USP3: variants seen among roughly 807,000 people sequenced by gnomAD.
USP3 encodes ubiquitin carboxyl-terminal hydrolase 3.
USP3 carries 20 observed loss-of-function variants against 72.3 expected under a neutral mutation model. The observed-to-expected ratio is 0.28, with a 90% confidence interval of 0.19 to 0.40. The LOEUF is 0.40. Among genes scored for constraint, USP3 ranks in the 10% least tolerant of loss-of-function variants. The pLI is 1.00. For missense variants in USP3, 479 were observed against 633.9 expected (o/e 0.76, Z 2.62); for synonymous variants, 222 against 225.3 (o/e 0.99, Z 0.13).
At chr15:63,558,538 T>G (rs2066549618) in intron 6 of USP3, among the ~76,000 whole-genome samples, 1 of 151,848 alleles carries the variant, frequency 6.6e-6, no homozygotes, top group Non-Finnish European at 1.5e-5. Flanking sequence ...CAGGCTACAG[T>G]CTCTCTCAGA....
In USP3 at chr15:63,574,132, G is replaced by A; in HGVS notation, c.995G>A (p.Arg332Lys). 1 of 1,592,238 alleles carries A rather than the reference G, an allele frequency of 6.3e-7. No homozygotes were observed. Among genetic ancestry groups the A allele is most frequent in the South Asian group, 1.2e-5 (1 of 85,298 alleles). Reference protein sequence around the residue: ...VNCLICGTESRKFDPFLDLSL... With the variant: ...VNCLICGTESKKFDPFLDLSL... ...TGCCTCATATGTGGGACAGAATCTA[G>A]AAAGTTTGATCCATTCCTAGGTAAG... Residue 332 changes from arginine to lysine, a missense_variant, in exon 10 of 15, where the codon AGA (arginine) becomes AAA (lysine). Transcript: ENST00000380324. This position sits in a 1 kb window ranked among gnomAD's most constrained non-coding sequence, Gnocchi z 4.6.
intron 14 of USP3, 64 bp downstream of exon 14, chr15:63,589,075 T>G (rs1041250208): frequency 1.2e-5 from 18 of 1,558,748 alleles, no homozygotes; most frequent in Non-Finnish European, 1.5e-5. Flanking sequence ...TGACCTGCAG[T>G]TTTGTACCAC....
intron 1 of USP3, 129 bp downstream of exon 1, chr15:63,504,959 G>A: frequency 1.7e-6 from 1 of 598,074 alleles, no homozygotes; most frequent in Non-Finnish European, 2.2e-6. Flanking sequence ...GGCCCGGCGG[G>A]CTGGGGAGGG....
At chr15:63,559,235 A>G (rs1567115046) in intron 6 of USP3, among the ~76,000 whole-genome samples, 7 of 152,242 alleles carry the variant, frequency 4.6e-5, no homozygotes, top group Admixed American at 3.3e-4. Context: ...TAGTAAAAAT[A>G]AAATAGTCAA....
At chr15:63,560,326 G>C (rs1454343721) in intron 7 of USP3, among the ~76,000 whole-genome samples, 1 of 150,944 alleles carries the variant, frequency 6.6e-6, no homozygotes, top group Non-Finnish European at 1.5e-5. Flanking sequence ...TGAGGCAGGA[G>C]AATCGCTTGA....
chr15:63,562,977 T>C lies in USP3; in HGVS notation c.730T>C (p.Tyr244His). Residue 244 changes from tyrosine to histidine, a missense_variant, in exon 8 of 15, where the codon TAT becomes CAT. Physicochemically the swap from Tyr to His is moderately conservative, Grantham distance 83 (BLOSUM62 2). Coordinates refer to ENST00000380324, the MANE Select transcript of USP3 (RefSeq NM_006537.4). ...TGCATTTAGCCCAGAGTCCTTATTTTATGTTGTTTGGAAGATTATGCCAAA... is the reference window on the plus strand; with the variant it reads ...TGCATTTAGCCCAGAGTCCTTATTTCATGTTGTTTGGAAGATTATGCCAAA... ...QTAFSPESLF[Y>H]VVWKIMPNFR... is the part of the protein sequence containing the mutation. The C allele has an allele frequency of 6.2e-7, 1 of 1,612,160 alleles. No individual in the cohort carries two copies.
In USP3 at chr15:63,570,621, C is replaced by A. The variant is rs971240161; in HGVS notation, c.908+42C>A. On this transcript the variant is annotated intron_variant, in intron 9 of 14. Coordinates refer to ENST00000380324, the MANE Select transcript of USP3 (RefSeq NM_006537.4). The surrounding 1 kb of genome is among the most constrained non-coding windows in gnomAD (Gnocchi z 4.4). ...TTCTGTTTTTTAGGAGGGCCTCAGA[C>A]ATTTCTTTTGGTGTTAATTATGTGT... 1.3e-6 allele frequency: 2 copies of A among 1,569,896 alleles called. No homozygotes were observed. Among genetic ancestry groups the A allele is most frequent in the Non-Finnish European group, 1.7e-6 (2 of 1,159,060 alleles).
chr15:63,538,454 A>T (rs1483282481), intron 3 of USP3, among the ~76,000 whole-genome samples: 1 of 152,194 alleles, frequency 6.6e-6, no homozygotes, highest in Non-Finnish European at 1.5e-5. Flanking sequence ...ATGGTGTGAG[A>T]ATCCTTTCCA....
At chr15:63,578,508 A>G (rs1344069094) in intron 11 of USP3, among the ~76,000 whole-genome samples, 1 of 149,150 alleles carries the variant, frequency 6.7e-6, no homozygotes, top group African/African-American at 2.5e-5. Context: ...CCTACTCAGG[A>G]GGCTGAGGCA....
At position 63,504,775 on chromosome 15, in the gene USP3, T is replaced by A. The variant is rs1361745810; in HGVS notation, c.36T>A (p.Ile12=). Reference sequence around the variant, plus strand: ...CACACCTGAGCTCCAGCGTCTGCATTGCTCCGGACTCAGCCAAGTTCCCCA... The same window carrying A: ...CACACCTGAGCTCCAGCGTCTGCATAGCTCCGGACTCAGCCAAGTTCCCCA... ...ECPHLSSSVC[I]APDSAKFPNG... The change falls in exon 1 of 15, where the codon ATT becomes ATA. Residue 12 remains isoleucine (I), a synonymous_variant. Transcript: ENST00000380324. 13 of 1,611,548 alleles carry A rather than the reference T, an allele frequency of 8.1e-6. No homozygotes were observed. Among genetic ancestry groups the A allele is most frequent in the Non-Finnish European group, 1.1e-5 (13 of 1,179,014 alleles).
At chr15:63,573,286 T>C (rs1317699109) in intron 9 of USP3, among the ~76,000 whole-genome samples, 2 of 152,220 alleles carry the variant, frequency 1.3e-5, no homozygotes, top group African/African-American at 4.8e-5. Context: ...AACTCTCTCA[T>C]CTACACACTG....
chr15:63,523,085 C>T (rs1595711316), intron 1 of USP3, among the ~76,000 whole-genome samples: 1 of 152,108 alleles, frequency 6.6e-6, no homozygotes, highest in African/African-American at 2.4e-5. Flanking sequence ...ATGATTCTGA[C>T]ATTTAAGGTG....
intron 7 of USP3, among the ~76,000 whole-genome samples, chr15:63,562,159 G>A (rs2066617518): frequency 6.6e-6 from 1 of 152,114 alleles, no homozygotes; most frequent in African/African-American, 2.4e-5. Flanking sequence ...ATTATTATAG[G>A]ACTACTCTTT....
intron 11 of USP3, among the ~76,000 whole-genome samples, chr15:63,582,763 G>C (rs1267172151): frequency 1.3e-5 from 2 of 152,142 alleles, no homozygotes; most frequent in Admixed American, 6.5e-5. Context: ...CCTTTGCATT[G>C]GAGAGAAGAT....
At chr15:63,532,827 C>T (rs901214360) in intron 2 of USP3, 120 bp downstream of exon 2, 2 of 1,024,174 alleles carry the variant, frequency 2.0e-6, no homozygotes, top group East Asian at 2.5e-5. Flanking sequence ...TGCATAATTC[C>T]CTGTAGGGCT....
chr15:63,539,300 A>G (rs1364142254), intron 3 of USP3, among the ~76,000 whole-genome samples: 1 of 152,172 alleles, frequency 6.6e-6, no homozygotes, highest in Non-Finnish European at 1.5e-5. Flanking sequence ...TACTGAGAAC[A>G]TTGATTTTTG....
Position 63,588,238 on chromosome 15 carries a change from T to C in USP3, c.1097-67T>C. ...AGCTGAGATTTTAAACCTGGGTCTT[T>C]TTTCTACAGTACATTGCCTCTACAA... On this transcript the variant is annotated intron_variant, in intron 11 of 14. Transcript: ENST00000380324. The surrounding 1 kb of genome is among the most constrained non-coding windows in gnomAD (Gnocchi z 4.6). 1 of 1,264,830 alleles carries C rather than the reference T, an allele frequency of 7.9e-7. No individual in the cohort carries two copies. The highest frequency in any genetic ancestry group is 1.5e-5 in the African/African-American group (1 of 66,280). 78.4% of individuals were successfully genotyped at this position (1,264,830 alleles called of 1,614,324 possible). A position where few individuals can be genotyped will look rare whatever the true frequency, so the allele number is the denominator to read the frequency against.
chr15:63,516,090 T>C (rs982157986), intron 1 of USP3, among the ~76,000 whole-genome samples: 3 of 152,222 alleles, frequency 2.0e-5, no homozygotes, highest in African/African-American at 7.2e-5. Context: ...AGTGATTCAT[T>C]TTTCTTTCTT....
chr15:63,552,341 C>G (rs1445289077), intron 3 of USP3, among the ~76,000 whole-genome samples: 2 of 152,112 alleles, frequency 1.3e-5, no homozygotes, highest in Non-Finnish European at 2.9e-5. Flanking sequence ...AGATCTTATC[C>G]TCTTAATATT....
Sources: gnomAD v4.1 joint callset for allele counts (sites outside exome capture counted in the v4.1 genomes callset) on GRCh38, gnomAD v4.1.1 for gene constraint, Gnocchi (gnomAD v3.1) non-coding constraint, MANE v1.5 for transcripts, NCBI Gene and HGNC (gene_info 2026-07-23, HGNC 2026-07-21) for gene names.